ARHGAP9: variants seen among roughly 807,000 people sequenced by gnomAD.
ARHGAP9 encodes the protein Rho GTPase activating protein 9.
A neutral mutation model predicts 87.3 loss-of-function variants in ARHGAP9; 76 were observed. The ratio of observed to expected loss-of-function variants is 0.87; its 90% confidence interval spans 0.72 to 1.05. The LOEUF (loss-of-function observed/expected upper bound fraction) is 1.05. Ranked by LOEUF, ARHGAP9 falls within the 50% of genes least tolerant of loss-of-function variation. The pLI, the probability that ARHGAP9 is intolerant of heterozygous loss-of-function variation, is 0.00. For missense variants in ARHGAP9, 941 were observed against 960.5 expected (o/e 0.98, Z 0.27); for synonymous variants, 382 against 394.9 (o/e 0.97, Z 0.39).
At position 57,476,665 on chromosome 12, in the gene ARHGAP9, G is replaced by A. The variant is rs1455203290; in HGVS notation, c.964-14C>T. ...CTTTTCCACCTCCTGGGAAGTGGAGGGAATGGGATCTGTAAGTCACCCTCG... is the reference window on the plus strand; with the variant it reads ...CTTTTCCACCTCCTGGGAAGTGGAGAGAATGGGATCTGTAAGTCACCCTCG... On this transcript the variant is annotated splice_polypyrimidine_tract_variant and intron_variant, in intron 6 of 17. Coordinates refer to ENST00000393791, the MANE Select transcript of ARHGAP9 (RefSeq NM_032496.4). 2 of 1,581,672 alleles carry A rather than the reference G, an allele frequency of 1.3e-6. No homozygotes were observed. The highest frequency in any genetic ancestry group is 1.7e-5 in the Admixed American group (1 of 57,148).
At chr12:57,488,252 G>C in intron 1 of ARHGAP9, 1 of 1,528,086 alleles carries the variant, frequency 6.5e-7, no homozygotes, top group Non-Finnish European at 9.0e-7. Flanking sequence ...ACCGAAACAC[G>C]CCAGATTCTC....
In ARHGAP9 at chr12:57,476,632, A is replaced by T; in HGVS notation, c.983T>A (p.Leu328Gln). The T allele has an allele frequency of 6.2e-7, 1 of 1,614,048 alleles. No homozygotes were observed. Among genetic ancestry groups the T allele is most frequent in the Non-Finnish European group, 8.5e-7 (1 of 1,179,982 alleles). Residue 328 changes from leucine to glutamine, a missense_variant, in exon 7 of 18, where the codon CTG (leucine) becomes CAG (glutamine). Physicochemically the swap from Leu to Gln is moderately radical, Grantham distance 113. Transcript: ENST00000393791. ...TTGGGCAATCTTGGTCATGTTGAGCAGACCCGACTTTTCCACCTCCTGGGA... is the reference window on the plus strand; with the variant it reads ...TTGGGCAATCTTGGTCATGTTGAGCTGACCCGACTTTTCCACCTCCTGGGA... ...DDPHEVEKSG[L>Q]LNMTKIAQGG...
At chr12:57,478,175 G>A (rs547700371) in intron 3 of ARHGAP9, 33 of 311,814 alleles carry the variant, frequency 1.1e-4, no homozygotes, top group African/African-American at 5.6e-4. Flanking sequence ...CCCTGGGCTA[G>A]GAGTCTGGAG....
chr12:57,478,263 ACTGT>A, intron 3 of ARHGAP9: 1 of 430,056 alleles, frequency 2.3e-6, no homozygotes, highest in Non-Finnish European at 4.3e-6. Context: ...TTTGGTACCT[ACTGT>A]CCCTTCTCAC....
In ARHGAP9 at chr12:57,476,857, A is replaced by G. The variant is rs1873908290; in HGVS notation, c.963+14T>C. ...GGGAGGATCTTGGCCTTCACAAAGA[A>G]ATGGGAGATTCACATGGGGGTCGTC... On this transcript the variant is annotated intron_variant, in intron 6 of 17. Transcript: ENST00000393791. 6.2e-7 allele frequency: 1 copy of G among 1,611,492 alleles called. No individual in the cohort carries two copies. The highest frequency in any genetic ancestry group is 8.5e-7 in the Non-Finnish European group (1 of 1,177,960).
chr12:57,488,307 A>G (rs999253885), intron 1 of ARHGAP9: 31 of 1,009,218 alleles, frequency 3.1e-5, no homozygotes, highest in African/African-American at 2.9e-4. Context: ...ACACACCCCA[A>G]TCGACCACTT....
chr12:57,475,513 G>A lies in ARHGAP9; in HGVS notation c.1414C>T (p.Leu472=), dbSNP rs373618746. 6.9e-5 allele frequency: 111 copies of A among 1,604,676 alleles called. 1 individual carries two copies. The African/African-American group carries it at 1.1e-3, about 16-fold the overall frequency. ...EEESELVSKP[L]LRLSSRRSSI... ...CTCCGGCGGCTGCTGAGGCGCAGCA[G>A]CGGCTTGGACACCAGCTCCGACTCC... is the stretch of plus-strand genomic sequence containing the variant. Residue 472 remains leucine, a synonymous_variant, in exon 11 of 18, where the codon CTG becomes TTG. Transcript: ENST00000393791.
rs1164612633 is a variant in ARHGAP9, at chr12:57,475,001, C to T, written c.1553-28G>A. 7 of 1,605,636 alleles carry T rather than the reference C, an allele frequency of 4.4e-6. No individual in the cohort carries two copies. In the South Asian group the frequency reaches 7.7e-5, roughly 18 times the overall value. The stretch of plus-strand genomic sequence containing the variant: ...GGGGAAGTAGAGTGAGGCGGGAAGC[C>T]AGTGCCAGCGTCACTCACAGGAGCT... On this transcript the variant is annotated intron_variant, in intron 12 of 17. Transcript: ENST00000393791.
At position 57,477,448 on chromosome 12, in the gene ARHGAP9, T is replaced by C; in HGVS notation, c.756+11A>G. On this transcript the variant is annotated intron_variant, in intron 4 of 17. Coordinates refer to ENST00000393791, the MANE Select transcript of ARHGAP9 (RefSeq NM_032496.4). ...GAGGGGACAGTGGAGAAGCAGGAGG[T>C]AAGGTCTCACCGTCTCGCTGCGACT... 1 of 1,613,030 alleles carries C rather than the reference T, an allele frequency of 6.2e-7. No individual in the cohort carries two copies. The highest frequency in any genetic ancestry group is 1.3e-5 in the African/African-American group (1 of 74,900).
Position 57,476,433 on chromosome 12 carries a change from C to G in ARHGAP9, c.1047G>C (p.Trp349Cys), listed in dbSNP as rs1266018894. ...RKLRKNWGPS[W>C]VVLTGNSLVF... is the part of the protein sequence containing the mutation. ...CCAGGCTGTTACCCGTTAACACCAC[C>G]CAAGACGGGCCCCAGTTCTTCCTGC... The change falls in exon 8 of 18, where the codon TGG (tryptophan) becomes TGC (cysteine). Residue 349 changes from tryptophan to cysteine, a missense_variant. Coordinates refer to ENST00000393791, the MANE Select transcript of ARHGAP9 (RefSeq NM_032496.4). The G allele has an allele frequency of 6.2e-7, 1 of 1,613,996 alleles. No individual in the cohort carries two copies. The highest frequency in any genetic ancestry group is 8.5e-7 in the Non-Finnish European group (1 of 1,180,024).
chr12:57,483,387 GTCTCATTGCATATAGT>G (rs887264203), upstream of ARHGAP9, among the ~76,000 whole-genome samples: 23 of 152,220 alleles, frequency 1.5e-4, no homozygotes, highest in Non-Finnish European at 2.5e-4. Context: ...TTCCTAACTA[GTCTCATTGCATATAGT>G]TCTCATTGCA....
Position 57,485,101 on chromosome 12 carries a change from A to T in ARHGAP9, c.-203-1138T>A, listed in dbSNP as rs1875298796. Among the ~76,000 whole-genome samples the T allele has an allele frequency of 2.7e-5, 4 of 149,538 alleles. No homozygotes were observed. The South Asian group carries it at 8.4e-4, about 32-fold the overall frequency. On this transcript the variant is annotated intron_variant, in intron 1 of 20. Coordinates refer to the ARHGAP9 transcript ENST00000393797. The stretch of plus-strand genomic sequence containing the variant: ...GCTGGGATTACAGGCATGCACCACC[A>T]CACCCCGCCAATTTTTTGTATTTTT...
At chr12:57,485,033 C>T (rs1430494199) in intron 1 of ARHGAP9, among the ~76,000 whole-genome samples, 2 of 151,684 alleles carry the variant, frequency 1.3e-5, no homozygotes, top group Non-Finnish European at 2.9e-5. Flanking sequence ...GCAACCTCTG[C>T]CTCCCGGGTT....
At chr12:57,472,784 C>T in intron 17 of ARHGAP9, 96 bp from the exon 18 acceptor site, 1 of 1,330,918 alleles carries the variant, frequency 7.5e-7, no homozygotes, top group Non-Finnish European at 1.1e-6. Context: ...GGGAAGAGTT[C>T]ACTCTGGGAT....
chr12:57,477,895 C>G, intron 3 of ARHGAP9: 3 of 1,350,738 alleles, frequency 2.2e-6, no homozygotes, highest in Non-Finnish European at 2.9e-6. Flanking sequence ...TCCTCACTTC[C>G]TGTTGCCAAC....
chr12:57,485,073 G>A (rs1052674720), intron 1 of ARHGAP9, among the ~76,000 whole-genome samples: 2 of 151,730 alleles, frequency 1.3e-5, no homozygotes, highest in South Asian at 4.2e-4. Flanking sequence ...AGCATCCTAA[G>A]TAGCTGGGAT....
At chr12:57,483,921 G>A (rs1264911930), upstream of ARHGAP9, 1 of 453,096 alleles carries the variant, frequency 2.2e-6, no homozygotes, top group East Asian at 7.0e-5. Context: ...AGCTACTGTA[G>A]TCCCAGCTAC....
rs929285291 is a variant in ARHGAP9 at position 57,472,362 on chromosome 12, G to A, written c.*155C>T. ...GTTAATCCACTCACTTTCCTCTTTA[G>A]AGAAGCTCCCTCACCCATCCCAACA... is the stretch of plus-strand genomic sequence containing the variant. On this transcript the variant is annotated 3_prime_UTR_variant, in exon 18 of 18. Coordinates refer to ENST00000393791, the MANE Select transcript of ARHGAP9 (RefSeq NM_032496.4). 66 of 923,684 alleles carry A rather than the reference G, an allele frequency of 7.1e-5. No individual in the cohort carries two copies. Among genetic ancestry groups the A allele is most frequent in the Middle Eastern group, 3.4e-4 (1 of 2,910 alleles). The allele number at this position is 923,684 out of a possible 1,614,324, so 57.2% of individuals were successfully genotyped here. A position where few individuals can be genotyped will look rare whatever the true frequency, so the allele number is the denominator to read the frequency against.
At position 57,479,409 on chromosome 12, in the gene ARHGAP9, T is replaced by C; in HGVS notation, c.-3A>G. 1 of 1,610,832 alleles carries C rather than the reference T, an allele frequency of 6.2e-7. No individual in the cohort carries two copies. The highest frequency in any genetic ancestry group is 1.1e-5 in the South Asian group (1 of 90,972). Reference sequence around the variant, plus strand: ...GGCCACCACCGGCTGGATAGCATTGTAGCCAGCACTGTCACCTGTGAGAAA... The same window carrying C: ...GGCCACCACCGGCTGGATAGCATTGCAGCCAGCACTGTCACCTGTGAGAAA... On this transcript the variant is annotated 5_prime_UTR_variant, in exon 2 of 18. Coordinates refer to ENST00000393791, the MANE Select transcript of ARHGAP9 (RefSeq NM_032496.4).
Sources: allele counts gnomAD v4.1 joint callset (sites outside exome capture counted in the v4.1 genomes callset), GRCh38; gene constraint gnomAD v4.1.1; transcripts MANE v1.5; gene names NCBI Gene and HGNC (gene_info 2026-07-23, HGNC 2026-07-21).